Variants in SYT16 observed in about 807,000 individuals in gnomAD.
The protein encoded by SYT16 is synaptotagmin 16.
SYT16 carries 42 observed loss-of-function variants against 61.4 expected under a neutral mutation model. That is an observed-to-expected ratio of 0.68 (90% CI 0.53 to 0.89). The LOEUF is 0.89. Ranked by LOEUF, SYT16 falls within the 40% of genes least tolerant of loss-of-function variation. The probability of loss-of-function intolerance (pLI) is 0.00; values close to 1 mark genes in which losing one functional copy is unlikely to be tolerated. For synonymous variants in SYT16, 314 were observed against 302.3 expected (o/e 1.04, Z -0.40); for missense variants, 804 against 807.3 (o/e 1.00, Z 0.05).
At chr14:61,882,538 C>A (rs549319431) in intron 1 of SYT16, among the ~76,000 whole-genome samples, 4 of 152,298 alleles carry the variant, frequency 2.6e-5, no homozygotes, top group African/African-American at 9.6e-5. Flanking sequence ...ATGGGGATTA[C>A]AGAGATTACA....
intron 1 of SYT16, among the ~76,000 whole-genome samples, chr14:61,859,784 A>G (rs2046910359): frequency 6.6e-6 from 1 of 152,160 alleles, no homozygotes; most frequent in South Asian, 2.1e-4. Context: ...ACATTGGCAC[A>G]CTTGGGGCTC....
chr14:61,928,587 C>T (rs1398737669), intron 1 of SYT16, among the ~76,000 whole-genome samples: 3 of 152,132 alleles, frequency 2.0e-5, no homozygotes, highest in African/African-American at 7.2e-5. Flanking sequence ...TAATTTTATA[C>T]CTAGGTGAGA....
At chr14:62,083,070 T>A (rs2056763253) in intron 6 of SYT16, among the ~76,000 whole-genome samples, 1 of 152,164 alleles carries the variant, frequency 6.6e-6, no homozygotes, top group South Asian at 2.1e-4. Flanking sequence ...TTTTATCTTC[T>A]AGACAGCAGG....
At chr14:61,813,389 T>A (rs1478499782) in intron 1 of SYT16, among the ~76,000 whole-genome samples, 1 of 152,254 alleles carries the variant, frequency 6.6e-6, no homozygotes, top group Admixed American at 6.5e-5. Flanking sequence ...GGCGCTGGGT[T>A]GGCCTGCTTT....
chr14:61,991,503 A>G (rs1486756104), intron 2 of SYT16, among the ~76,000 whole-genome samples: 1 of 152,126 alleles, frequency 6.6e-6, no homozygotes, highest in Non-Finnish European at 1.5e-5. Flanking sequence ...AGCCCCAAAG[A>G]TATCTCCATG....
At chr14:61,868,480 A>G (rs539148872) in intron 1 of SYT16, among the ~76,000 whole-genome samples, 1 of 151,956 alleles carries the variant, frequency 6.6e-6, no homozygotes, top group African/African-American at 2.4e-5. Context: ...CTTTTGCTGC[A>G]TTGCATTCAT....
chr14:62,018,370 C>T (rs1221105195), intron 3 of SYT16, among the ~76,000 whole-genome samples: 5 of 132,536 alleles, frequency 3.8e-5, no homozygotes, highest in East Asian at 2.3e-4. Context: ...TGCAATGGCA[C>T]GATCTCAGCT....
At chr14:62,095,611 ACACACACATAT>A (rs1343678210) in intron 7 of SYT16, among the ~76,000 whole-genome samples, 1 of 152,022 alleles carries the variant, frequency 6.6e-6, no homozygotes. Context: ...ACACACACAA[ACACACACATAT>A]CTATATATAC....
At chr14:61,933,764 C>A (rs772860312) in intron 1 of SYT16, among the ~76,000 whole-genome samples, 7 of 151,970 alleles carry the variant, frequency 4.6e-5, no homozygotes, top group African/African-American at 7.3e-5. Context: ...GCCTAGCTGG[C>A]AAAGCGTTTG....
At chr14:62,032,274 G>A (rs985412594) in intron 3 of SYT16, among the ~76,000 whole-genome samples, 4 of 152,108 alleles carry the variant, frequency 2.6e-5, no homozygotes, top group African/African-American at 9.7e-5. Context: ...AATGTAGGAT[G>A]CTATTAAGGT....
intron 1 of SYT16, among the ~76,000 whole-genome samples, chr14:61,900,741 A>C (rs1202554091): frequency 1.3e-5 from 2 of 152,110 alleles, no homozygotes; most frequent in African/African-American, 2.4e-5. Context: ...TGTTTTCATC[A>C]CTATCCTCCC....
chr14:61,995,324 C>T (rs528792936), intron 2 of SYT16, among the ~76,000 whole-genome samples: 17 of 152,166 alleles, frequency 1.1e-4, no homozygotes, highest in African/African-American at 3.6e-4. Flanking sequence ...AATCCATTTG[C>T]CACCCTCAGT....
At chr14:62,034,845 AT>A (rs2054445825) in intron 3 of SYT16, among the ~76,000 whole-genome samples, 1 of 152,102 alleles carries the variant, frequency 6.6e-6, no homozygotes, top group African/African-American at 2.4e-5. Flanking sequence ...AAATTGGTGA[AT>A]TGTTATGTGA....
intron 1 of SYT16, among the ~76,000 whole-genome samples, chr14:61,861,719 C>G (rs1862463180): frequency 6.6e-6 from 1 of 151,490 alleles, no homozygotes; most frequent in Non-Finnish European, 1.5e-5. Context: ...TGATAGAATT[C>G]TTACATAGGC....
chr14:61,906,751 T>TTCCA (rs1566669470), intron 1 of SYT16, among the ~76,000 whole-genome samples: 1 of 113,228 alleles, frequency 8.8e-6, no homozygotes. Flanking sequence ...CCATCCATCC[T>TTCCA]TCCGTCCGTC....
At chr14:61,985,490 C>T (rs185787503) in intron 2 of SYT16, among the ~76,000 whole-genome samples, 10 of 152,262 alleles carry the variant, frequency 6.6e-5, no homozygotes, top group Admixed American at 4.6e-4. Context: ...ATATTTTCCT[C>T]ATCCCAGAGT....
In SYT16 at chr14:62,100,597, A is replaced by G. The variant is rs1452152079; in HGVS notation, c.1828A>G (p.Ile610Val). 1 of 1,613,778 alleles carries G rather than the reference A, an allele frequency of 6.2e-7. No individual in the cohort carries two copies. The highest frequency in any genetic ancestry group is 1.1e-5 in the South Asian group (1 of 91,062). ...TMKRKEMIGWIALGQNSSGEE... is the reference protein window; with the variant it reads ...TMKRKEMIGWVALGQNSSGEE... ...GAAGCGTAAAGAGATGATTGGCTGG[A>G]TTGCCCTGGGCCAGAACAGCAGTGG... Residue 610 changes from isoleucine (I) to valine (V), a missense_variant, in exon 8 of 8, where the codon ATT (isoleucine) becomes GTT (valine). Physicochemically the swap from Ile to Val is conservative, Grantham distance 29 (BLOSUM62 3). Transcript: ENST00000683842.
intron 3 of SYT16, among the ~76,000 whole-genome samples, chr14:62,046,164 T>C (rs1171906228): frequency 6.6e-6 from 1 of 152,180 alleles, no homozygotes; most frequent in Non-Finnish European, 1.5e-5. Context: ...TGAGATGGTA[T>C]CTCATTGTGG....
At chr14:61,927,947 A>G (rs1245294578) in intron 1 of SYT16, among the ~76,000 whole-genome samples, 3 of 152,236 alleles carry the variant, frequency 2.0e-5, no homozygotes, top group Non-Finnish European at 4.4e-5. Context: ...CTTGCTTTGC[A>G]GTCGTGAAAG....
Sources: allele counts gnomAD v4.1 joint callset (sites outside exome capture counted in the v4.1 genomes callset), GRCh38; gene constraint gnomAD v4.1.1; transcripts MANE v1.5; gene names NCBI Gene and HGNC (gene_info 2026-07-23, HGNC 2026-07-21).